The following NECTIN3 variants were observed in gnomAD, a reference collection of about 807,000 sequenced individuals.
The protein encoded by NECTIN3 is nectin cell adhesion molecule 3.
Under a neutral mutation model 49.4 loss-of-function variants are expected in NECTIN3, and 8 were observed. The observed-to-expected ratio is 0.16, with a 90% CI of 0.10 to 0.29. NECTIN3 has a LOEUF of 0.29. NECTIN3 is among the 10% of genes least tolerant of loss of function. The pLI is 1.00. For missense variants in NECTIN3, 581 were observed against 654.6 expected (o/e 0.89, Z 1.23); for synonymous variants, 277 against 241.1 (o/e 1.15, Z -1.38).
intron 1 of NECTIN3, chr3:111,072,587 G>A: frequency 5.2e-6 from 8 of 1,534,280 alleles, no homozygotes; most frequent in Non-Finnish European, 7.0e-6. Context: ...AGAAACCCTA[G>A]GGACCGGAGC....
chr3:111,188,031 G>C (rs568384855), upstream of NECTIN3, among the ~76,000 whole-genome samples: 1 of 152,186 alleles, frequency 6.6e-6, no homozygotes, highest in Non-Finnish European at 1.5e-5. Context: ...TGGCATGGGG[G>C]CAGGGAATAT....
chr3:111,165,692 A>G (rs2035305960), intron 7 of NECTIN3, among the ~76,000 whole-genome samples: 1 of 152,238 alleles, frequency 6.6e-6, no homozygotes, highest in South Asian at 2.1e-4. Flanking sequence ...GCCGTCACAG[A>G]TAAGTAACTT....
At chr3:111,087,336 T>A (rs1396132803) in intron 1 of NECTIN3, among the ~76,000 whole-genome samples, 3 of 152,142 alleles carry the variant, frequency 2.0e-5, no homozygotes, top group Non-Finnish European at 4.4e-5. Flanking sequence ...TAAGTATAAT[T>A]TTTTTGTAGC....
At chr3:111,097,068 G>C (rs72937905) in intron 1 of NECTIN3, among the ~76,000 whole-genome samples, 8,088 of 152,278 alleles carry the variant, frequency 0.053, 308 homozygotes, top group African/African-American at 0.092. Flanking sequence ...ATGCCAGCCC[G>C]TGAAAGCCGG....
rs759669717 is a variant in NECTIN3, at chr3:111,134,257, C to G, written c.*42C>G. 6.6e-7 allele frequency: 1 copy of G among 1,516,876 alleles called. No individual in the cohort carries two copies. The highest frequency in any genetic ancestry group is 8.8e-7 in the Non-Finnish European group (1 of 1,137,374). 94.0% of individuals were successfully genotyped at this position (1,516,876 alleles called of 1,614,324 possible). A position where few individuals can be genotyped will look rare whatever the true frequency, so the allele number is the denominator to read the frequency against. On this transcript the variant is annotated 3_prime_UTR_variant, in exon 6 of 6. Coordinates refer to ENST00000485303, the MANE Select transcript of NECTIN3 (RefSeq NM_015480.3). Reference sequence around the variant, plus strand: ...CTTAACTATGTACAATGTTCATTCACACTAGTTGATCATTTTCAGATTGTT... The same window carrying G: ...CTTAACTATGTACAATGTTCATTCAGACTAGTTGATCATTTTCAGATTGTT...
At chr3:111,148,325 T>C (rs2034926555) in intron 7 of NECTIN3, among the ~76,000 whole-genome samples, 1 of 152,216 alleles carries the variant, frequency 6.6e-6, no homozygotes, top group African/African-American at 2.4e-5. Context: ...ATAGTCAGTT[T>C]ACTGTCCAAG....
chr3:111,136,029 CTT>C lies in NECTIN3; in HGVS notation c.*1818_*1819del, dbSNP rs1241629509. ...TTTAGTGCAAGTTTTTGGAAGAAAACTTTTTGATAAAACACTGTGATTGATGT... is the reference window on the plus strand; with the variant it reads ...TTTAGTGCAAGTTTTTGGAAGAAAACTTTGATAAAACACTGTGATTGATGT... On this transcript the variant is annotated 3_prime_UTR_variant, in exon 6 of 6. Transcript: ENST00000485303. 1.2e-5 allele frequency: 12 copies of C among 978,312 alleles called. No homozygotes were observed. The South Asian group carries it at 4.3e-4, about 35-fold the overall frequency. The allele number at this position is 978,312 out of a possible 1,614,324, so 60.6% of individuals were successfully genotyped here.
intron 7 of NECTIN3, among the ~76,000 whole-genome samples, chr3:111,172,551 G>A (rs2035453948): frequency 6.6e-6 from 1 of 152,134 alleles, no homozygotes. Context: ...TTAAATGTAA[G>A]ATGGTATTGT....
At chr3:111,087,335 T>C (rs985125488) in intron 1 of NECTIN3, among the ~76,000 whole-genome samples, 4 of 152,292 alleles carry the variant, frequency 2.6e-5, no homozygotes, top group Admixed American at 2.6e-4. Context: ...TTAAGTATAA[T>C]TTTTTTGTAG....
At chr3:111,191,602 G>A (rs2035814785), upstream of NECTIN3, among the ~76,000 whole-genome samples, 1 of 151,770 alleles carries the variant, frequency 6.6e-6, no homozygotes, top group South Asian at 2.1e-4. Flanking sequence ...GTGGGGGGAG[G>A]GTGGGGATAA....
chr3:111,090,536 TCTGC>T (rs1414636204), intron 1 of NECTIN3, among the ~76,000 whole-genome samples: 1 of 148,216 alleles, frequency 6.7e-6, no homozygotes. Flanking sequence ...TTATCCTCAT[TCTGC>T]CGTTAGTGCT....
chr3:111,153,732 C>T (rs906283378), intron 7 of NECTIN3, among the ~76,000 whole-genome samples: 1 of 151,938 alleles, frequency 6.6e-6, no homozygotes, highest in Admixed American at 6.6e-5. Context: ...GTATCCATAC[C>T]TTTATTATAA....
chr3:111,075,109 C>A (rs973727257), intron 1 of NECTIN3: 3 of 152,074 alleles, frequency 2.0e-5, no homozygotes, highest in African/African-American at 7.2e-5. Flanking sequence ...GGACATAACA[C>A]ACGCATAAGA....
upstream of NECTIN3, among the ~76,000 whole-genome samples, chr3:111,190,417 G>C (rs2035794653): frequency 6.6e-6 from 1 of 152,188 alleles, no homozygotes; most frequent in African/African-American, 2.4e-5. Flanking sequence ...GAGGGATGGA[G>C]GAGGATGACT....
rs72622317 is a variant in NECTIN3, at chr3:111,109,801, A to T, written c.161-2229A>T. ...TGGCAGTTATTTCTACCCTGTTTTT[A>T]AAAAAATTTTATCAGGGTTTTCACT... On this transcript the variant is annotated intron_variant, in intron 1 of 5. Transcript: ENST00000485303. Among the ~76,000 whole-genome samples the T allele has an allele frequency of 1.9e-4, 29 of 152,018 alleles. No individual in the cohort carries two copies. In the East Asian group the frequency reaches 2.3e-3, roughly 12 times the overall value.
Position 111,072,106 on chromosome 3 carries a change from T to C in NECTIN3, c.89T>C (p.Leu30Pro). ...GCTTCTCTCCTCGGAGCCGGGCTCC[T>C]GCTGCAGCCCCCGACGCCACCTCCG... The part of the protein sequence containing the change: ...SSASLLGAGL[L>P]LQPPTPPPLL... The change falls in exon 1 of 6, where the codon CTG becomes CCG. Residue 30 changes from leucine to proline, a missense_variant. Coordinates refer to ENST00000485303, the MANE Select transcript of NECTIN3 (RefSeq NM_015480.3). 1 of 1,549,568 alleles carries C rather than the reference T, an allele frequency of 6.5e-7. No individual in the cohort carries two copies. Among genetic ancestry groups the C allele is most frequent in the Non-Finnish European group, 8.7e-7 (1 of 1,146,196 alleles).
chr3:111,075,499 A>C (rs1371853129), intron 1 of NECTIN3, among the ~76,000 whole-genome samples: 1 of 152,158 alleles, frequency 6.6e-6, no homozygotes, highest in African/African-American at 2.4e-5. Flanking sequence ...GAATAAAACA[A>C]TTAGAAGAGT....
In NECTIN3 at chr3:111,134,839, T is replaced by A; in HGVS notation, c.*624T>A. ...ACTGTAGAGTGGCTTTTCAAAGATATTTTGTTGCACTAAAACTGTGGTAGT... is the reference window on the plus strand; with the variant it reads ...ACTGTAGAGTGGCTTTTCAAAGATAATTTGTTGCACTAAAACTGTGGTAGT... On this transcript the variant is annotated 3_prime_UTR_variant, in exon 6 of 6. Transcript: ENST00000485303. The A allele has an allele frequency of 1.0e-6, 1 of 982,402 alleles. No homozygotes were observed. The highest frequency in any genetic ancestry group is 1.2e-6 in the Non-Finnish European group (1 of 827,260). The allele number at this position is 982,402 out of a possible 1,614,324, so 60.9% of individuals were successfully genotyped here.
At chr3:111,147,611 T>C in intron 7 of NECTIN3, 1 of 808,682 alleles carries the variant, frequency 1.2e-6, no homozygotes. Flanking sequence ...TCATTATGCA[T>C]TAAATGTTGT....
Sources: gnomAD v4.1 joint callset for allele counts (sites outside exome capture counted in the v4.1 genomes callset) on GRCh38, gnomAD v4.1.1 for gene constraint, MANE v1.5 for transcripts, NCBI Gene and HGNC (gene_info 2026-07-23, HGNC 2026-07-21) for gene names.